Variants in CCDC3 observed in about 807,000 individuals in gnomAD.
The protein encoded by CCDC3 is coiled-coil domain containing 3, also known as coiled-coil domain-containing protein 3.
In CCDC3, 24 loss-of-function variants were observed where a neutral mutation model predicts 21.4. That is an observed-to-expected ratio of 1.12 (90% CI 0.81 to 1.58). The LOEUF is 1.58. Ranked by LOEUF, CCDC3 falls within the 40% of genes most tolerant of loss-of-function variation. The pLI is 0.00. For synonymous variants in CCDC3, 186 were observed against 166.0 expected (o/e 1.12, Z -0.93); for missense variants, 425 against 360.9 (o/e 1.18, Z -1.44).
At chr10:12,999,870 C>T (rs1008642078) in intron 1 of CCDC3, among the ~76,000 whole-genome samples, 2 of 152,152 alleles carry the variant, frequency 1.3e-5, no homozygotes, top group Non-Finnish European at 1.5e-5. Context: ...TTCTCTGTAT[C>T]GAGAAGGGCA....
At chr10:12,972,678 G>A (rs527948435) in intron 2 of CCDC3, among the ~76,000 whole-genome samples, 2 of 152,220 alleles carry the variant, frequency 1.3e-5, no homozygotes, top group African/African-American at 4.8e-5. Flanking sequence ...TTAGCTCAGC[G>A]TGGTGGTGGG....
At chr10:13,086,119 T>G (rs501959) in intron 3 of CCDC3, among the ~76,000 whole-genome samples, 147,915 of 152,336 alleles carry the variant, frequency 0.97, 71,927 homozygotes, top group Non-Finnish European at 1. Flanking sequence ...TAGATTGGTA[T>G]AAACTTCCAT....
At chr10:12,907,573 G>A (rs906351603) in intron 2 of CCDC3, among the ~76,000 whole-genome samples, 1 of 152,166 alleles carries the variant, frequency 6.6e-6, no homozygotes, top group Non-Finnish European at 1.5e-5. Flanking sequence ...TGACCCGAGA[G>A]GAGGAGTTGG....
At chr10:13,033,967 T>C (rs1006401343) in intron 5 of CCDC3, among the ~76,000 whole-genome samples, 4 of 152,302 alleles carry the variant, frequency 2.6e-5, no homozygotes, top group Admixed American at 1.3e-4. Context: ...AGAAATACCA[T>C]ATGACCCAGC....
At chr10:13,066,707 C>T (rs980077648) in intron 4 of CCDC3, among the ~76,000 whole-genome samples, 1 of 152,150 alleles carries the variant, frequency 6.6e-6, no homozygotes, top group African/African-American at 2.4e-5. Flanking sequence ...GGAACCTGCC[C>T]AGGGCCTCGT....
In CCDC3 at chr10:12,925,344, C is replaced by CA. The variant is rs1007848139; in HGVS notation, c.550-26666dup. On this transcript the variant is annotated intron_variant, in intron 2 of 2. Transcript: ENST00000378825. ...TATTCAATAGGTAACCAAACTTAGT[C>CA]AAAAAAAATCAGGATCTCCTTTTCC... Among the ~76,000 whole-genome samples, 188 of 151,880 alleles carry CA rather than the reference C, an allele frequency of 1.2e-3. 1 individual carries two copies. The highest frequency in any genetic ancestry group is 3.9e-3 in the African/African-American group (162 of 41,412).
intron 2 of CCDC3, among the ~76,000 whole-genome samples, chr10:12,973,572 G>A (rs1389352957): frequency 6.6e-6 from 1 of 152,234 alleles, no homozygotes; most frequent in Non-Finnish European, 1.5e-5. Flanking sequence ...GTCATACGCA[G>A]TGATTACTGG....
chr10:12,970,455 A>C (rs1394393681), intron 2 of CCDC3, among the ~76,000 whole-genome samples: 4 of 152,164 alleles, frequency 2.6e-5, no homozygotes, highest in Admixed American at 2.0e-4. Context: ...TTCTCACCCC[A>C]AAAAAATAAG....
At chr10:12,945,928 G>C (rs945111040) in intron 2 of CCDC3, among the ~76,000 whole-genome samples, 2 of 152,170 alleles carry the variant, frequency 1.3e-5, no homozygotes, top group African/African-American at 4.8e-5. Context: ...AGGCAACTTG[G>C]TTAAAACAAG....
chr10:12,985,780 G>C (rs1412264394), intron 2 of CCDC3, among the ~76,000 whole-genome samples: 1 of 152,228 alleles, frequency 6.6e-6, no homozygotes, highest in African/African-American at 2.4e-5. Context: ...TAGCTTAAAA[G>C]GGGTAGCAGG....
chr10:12,979,599 C>G lies in CCDC3; in HGVS notation c.549+18739G>C, dbSNP rs530959334. ...GTTGCCCATGCTCATCTCAAACTCC[C>G]GGACTCAAGTGATCCTCCTACCTTG... On this transcript the variant is annotated intron_variant, in intron 2 of 2. Transcript: ENST00000378825. 5.3e-4 allele frequency among the ~76,000 whole-genome samples: 80 copies of G among 152,050 alleles called. No homozygotes were observed. In the South Asian group the frequency reaches 0.016, roughly 31 times the overall value.
At position 13,045,428 on chromosome 10, in the gene CCDC3, C is replaced by T. The variant is rs369490389; in HGVS notation, c.-2+4246G>A. 4.1e-4 allele frequency among the ~76,000 whole-genome samples: 62 copies of T among 152,118 alleles called. 1 individual carries two copies. In the East Asian group the frequency reaches 0.011, roughly 27 times the overall value. On this transcript the variant is annotated intron_variant, in intron 5 of 6. Coordinates refer to the CCDC3 transcript ENST00000378839. ...GGTCAAGGCAGGCGGATCACAAGGG[C>T]ACCATCCTGGCTAACAAAGTGAAAC...
intron 3 of CCDC3, among the ~76,000 whole-genome samples, chr10:13,076,484 C>T (rs780352652): frequency 1.3e-5 from 2 of 152,172 alleles, no homozygotes; most frequent in Non-Finnish European, 1.5e-5. Flanking sequence ...AAGTTTCTTC[C>T]TCAAAGTTTC....
intron 3 of CCDC3, among the ~76,000 whole-genome samples, chr10:13,093,686 G>A (rs1046736593): frequency 1.3e-5 from 2 of 152,070 alleles, no homozygotes; most frequent in East Asian, 1.9e-4. Flanking sequence ...AGGTAGGGCC[G>A]AGGTAGCCTG....
At chr10:13,063,096 C>T (rs2131433924) in intron 4 of CCDC3, among the ~76,000 whole-genome samples, 1 of 26,222 alleles carries the variant, frequency 3.8e-5, no homozygotes, top group Non-Finnish European at 7.2e-5. Flanking sequence ...GGCTCACTGG[C>T]TTACCCCCAC....
intron 2 of CCDC3, among the ~76,000 whole-genome samples, chr10:12,913,700 T>G (rs1024756292): frequency 4.6e-5 from 7 of 152,276 alleles, no homozygotes; most frequent in Non-Finnish European, 8.8e-5. Context: ...CCACGGAGTA[T>G]GATGTTAGCT....
At chr10:12,984,289 A>G (rs903894949) in intron 2 of CCDC3, among the ~76,000 whole-genome samples, 13 of 152,382 alleles carry the variant, frequency 8.5e-5, no homozygotes, top group Admixed American at 2.0e-4. Flanking sequence ...CAAATGCCCA[A>G]TAAGCACCGT....
intron 2 of CCDC3, among the ~76,000 whole-genome samples, chr10:12,993,323 G>A (rs553084703): frequency 1.3e-5 from 2 of 152,130 alleles, no homozygotes; most frequent in Non-Finnish European, 2.9e-5. Flanking sequence ...GGGAAGTTAG[G>A]GGATCTGCCC....
At chr10:13,002,341 C>T (rs1483907982), upstream of CCDC3, among the ~76,000 whole-genome samples, 1 of 152,220 alleles carries the variant, frequency 6.6e-6, no homozygotes, top group African/African-American at 2.4e-5. Flanking sequence ...AGGATACTGA[C>T]TCCACAGTTC....
Sources: gnomAD v4.1 joint callset for allele counts (sites outside exome capture counted in the v4.1 genomes callset) on GRCh38, gnomAD v4.1.1 for gene constraint, MANE v1.5 for transcripts, NCBI Gene and HGNC (gene_info 2026-07-23, HGNC 2026-07-21) for gene names.